Variants in CCNY observed in about 807,000 individuals in gnomAD.
CCNY encodes cyclin Y.
Under a neutral mutation model 42.8 loss-of-function variants are expected in CCNY, and 19 were observed. The observed-to-expected ratio is 0.44, with a 90% confidence interval of 0.31 to 0.65. The LOEUF is 0.65. CCNY is among the 30% of genes least tolerant of loss of function. The pLI, the probability that CCNY is intolerant of heterozygous loss-of-function variation, is 0.07. For synonymous variants in CCNY, 165 were observed against 162.7 expected, an observed-to-expected ratio of 1.01 and a Z score of -0.11; for missense variants, 370 against 437.3, an observed-to-expected ratio of 0.85 and a Z score of 1.37.
chr10:35,344,621 A>T (rs1042275753), intron 1 of CCNY, among the ~76,000 whole-genome samples: 2 of 152,164 alleles, frequency 1.3e-5, no homozygotes, highest in Non-Finnish European at 2.9e-5. Context: ...CATGTGCACA[A>T]TGTGCAGGTT....
At chr10:35,404,787 A>C (rs112223609) in intron 1 of CCNY, among the ~76,000 whole-genome samples, 2,506 of 152,252 alleles carry the variant, frequency 0.016, 66 homozygotes, top group African/African-American at 0.056. Context: ...CGTATGTTTT[A>C]ATGAAGAAAT....
At chr10:35,330,346 C>T (rs897032346) in intron 3 of CCNY, among the ~76,000 whole-genome samples, 1 of 152,158 alleles carries the variant, frequency 6.6e-6, no homozygotes, top group Non-Finnish European at 1.5e-5. Context: ...CTTTTTCCTA[C>T]CTATACCGTA....
chr10:35,314,649 A>C (rs1400831430), intron 3 of CCNY: 2 of 152,168 alleles, frequency 1.3e-5, no homozygotes, highest in African/African-American at 4.8e-5. Context: ...TATTTTCCAT[A>C]GTACATTTAT....
intron 1 of CCNY, among the ~76,000 whole-genome samples, chr10:35,345,026 C>T (rs1345373046): frequency 6.6e-6 from 1 of 152,150 alleles, no homozygotes; most frequent in Non-Finnish European, 1.5e-5. Flanking sequence ...AATAGTGCCG[C>T]AATAAACATG....
At chr10:35,324,800 T>C (rs1426721129) in intron 3 of CCNY, among the ~76,000 whole-genome samples, 1 of 152,236 alleles carries the variant, frequency 6.6e-6, no homozygotes, top group Non-Finnish European at 1.5e-5. Flanking sequence ...AAAAGAAACA[T>C]TAGCCTATAT....
chr10:35,538,772 G>A (rs1840937899), intron 7 of CCNY, among the ~76,000 whole-genome samples: 1 of 152,088 alleles, frequency 6.6e-6, no homozygotes, highest in African/African-American at 2.4e-5. Context: ...TTTTGTAATG[G>A]TATCAGTTTG....
chr10:35,269,065 C>T (rs1220016131), intron 3 of CCNY, among the ~76,000 whole-genome samples: 1 of 152,178 alleles, frequency 6.6e-6, no homozygotes, highest in Non-Finnish European at 1.5e-5. Flanking sequence ...TTGGCCACAC[C>T]CTCAGTTTTC....
intron 1 of CCNY, among the ~76,000 whole-genome samples, chr10:35,479,217 A>T (rs1367405524): frequency 1.3e-5 from 2 of 151,812 alleles, no homozygotes; most frequent in African/African-American, 4.8e-5. Flanking sequence ...AGGGATCTAG[A>T]ACTAGAAATA....
chr10:35,522,820 A>G (rs1320568376), intron 4 of CCNY, among the ~76,000 whole-genome samples: 3 of 152,226 alleles, frequency 2.0e-5, no homozygotes, highest in African/African-American at 7.2e-5. Context: ...AGATTGTCCT[A>G]TAACAAAACT....
chr10:35,521,695 G>C (rs1174499134), intron 4 of CCNY, among the ~76,000 whole-genome samples: 1 of 152,146 alleles, frequency 6.6e-6, no homozygotes, highest in Non-Finnish European at 1.5e-5. Context: ...CAAGGCACAG[G>C]CTTTGTTGCA....
chr10:35,454,656 G>A (rs1838991358), intron 1 of CCNY, among the ~76,000 whole-genome samples: 1 of 152,244 alleles, frequency 6.6e-6, no homozygotes, highest in Non-Finnish European at 1.5e-5. Context: ...TAACCAGCCA[G>A]TGGGGCCCTG....
At chr10:35,524,802 T>A (rs756158268) in intron 4 of CCNY, among the ~76,000 whole-genome samples, 5 of 152,254 alleles carry the variant, frequency 3.3e-5, no homozygotes, top group African/African-American at 4.8e-5. Flanking sequence ...CTTGTTTTTT[T>A]ACCTGTCCAG....
chr10:35,534,638 G>C (rs1840842860), intron 7 of CCNY, among the ~76,000 whole-genome samples: 1 of 152,042 alleles, frequency 6.6e-6, no homozygotes, highest in Non-Finnish European at 1.5e-5. Context: ...TTTAAAGTGA[G>C]CATTTTAGTG....
At position 35,516,524 on chromosome 10, in the gene CCNY, A is replaced by G. The variant is rs199787431; in HGVS notation, c.266A>G (p.His89Arg). The G allele has an allele frequency of 9.7e-5, 157 of 1,610,840 alleles. No individual in the cohort carries two copies. Among genetic ancestry groups the G allele is most frequent in the Non-Finnish European group, 1.1e-4 (130 of 1,177,406 alleles). The part of the protein sequence containing the change: ...EKRKSLFINH[H>R]PPGQIARKYS... Reference sequence around the variant, plus strand: ...AATCTTCTTGCTGTTGTTTTCTAGCATCCTCCAGGACAAATAGCAAGGAAA... The same window carrying G: ...AATCTTCTTGCTGTTGTTTTCTAGCGTCCTCCAGGACAAATAGCAAGGAAA... The change falls in exon 4 of 10, where the codon CAT becomes CGT. Residue 89 changes from histidine (H) to arginine (R), a missense_variant and splice_region_variant. His to Arg is a conservative substitution (Grantham distance 29). Around this residue, in one of 2 missense-constraint regions of CCNY, gnomAD observed 136 missense variants for 124.2 expected, o/e 1.09. Transcript: ENST00000374704.
rs1163428838 is a variant in CCNY, at chr10:35,336,557, G to A, written c.-497G>A. On this transcript the variant is annotated 5_prime_UTR_variant, in exon 1 of 10. Transcript: ENST00000374704. ...GCGCCGCGAGGAGTCCGGGGGCTGCGCCCACGCCCGCTGCCCGCCCGCTCG... is the reference window on the plus strand; with the variant it reads ...GCGCCGCGAGGAGTCCGGGGGCTGCACCCACGCCCGCTGCCCGCCCGCTCG... Among the ~76,000 whole-genome samples the A allele has an allele frequency of 1.3e-5, 2 of 148,794 alleles. No homozygotes were observed. The highest frequency in any genetic ancestry group is 3.0e-5 in the Non-Finnish European group (2 of 66,760).
At chr10:35,549,778 A>G (rs76349990) in intron 7 of CCNY, among the ~76,000 whole-genome samples, 44 of 52,010 alleles carry the variant, frequency 8.5e-4, no homozygotes, top group South Asian at 1.7e-3. Context: ...GCTGCTCATG[A>G]CACATGACCC....
At chr10:35,567,049 G>C (rs1272774007) in intron 9 of CCNY, among the ~76,000 whole-genome samples, 2 of 151,984 alleles carry the variant, frequency 1.3e-5, no homozygotes, top group Admixed American at 1.3e-4. Flanking sequence ...TTACCTTTAC[G>C]GACAGGTTTA....
chr10:35,496,075 T>G (rs1839997336), intron 2 of CCNY, among the ~76,000 whole-genome samples: 1 of 152,270 alleles, frequency 6.6e-6, no homozygotes. Flanking sequence ...CAACCAGATC[T>G]TTGTGATCTG....
At chr10:35,440,877 G>T (rs865830529) in intron 1 of CCNY, among the ~76,000 whole-genome samples, 5 of 152,228 alleles carry the variant, frequency 3.3e-5, no homozygotes, top group African/African-American at 1.2e-4. Context: ...AAGAAGTCTA[G>T]ATTTTCACGT....
Sources: allele counts gnomAD v4.1 joint callset (sites outside exome capture counted in the v4.1 genomes callset), GRCh38; gene constraint gnomAD v4.1.1; regional missense constraint gnomAD v4.1.1; transcripts MANE v1.5; gene names NCBI Gene and HGNC (gene_info 2026-07-23, HGNC 2026-07-21).